CNIH3: variants seen among roughly 807,000 people sequenced by gnomAD.
CNIH3 encodes the protein cornichon family AMPA receptor auxiliary protein 3.
CNIH3 carries 14 observed loss-of-function variants against 24.1 expected under a neutral mutation model. The ratio of observed to expected loss-of-function variants is 0.58; its 90% CI spans 0.38 to 0.91. The LOEUF is 0.91. Ranked by LOEUF, CNIH3 falls within the 40% of genes least tolerant of loss-of-function variation. The pLI, the probability that CNIH3 is intolerant of heterozygous loss-of-function variation, is 0.00. For synonymous variants in CNIH3, 68 were observed against 73.8 expected (o/e 0.92, Z 0.40); for missense variants, 178 against 196.8 (o/e 0.90, Z 0.57).
intron 4 of CNIH3, among the ~76,000 whole-genome samples, chr1:224,734,159 C>T (rs1384817418): frequency 6.6e-6 from 1 of 152,200 alleles, no homozygotes; most frequent in Non-Finnish European, 1.5e-5. Context: ...TCAGGATTTT[C>T]AATAAGGGTC....
intron 1 of CNIH3, among the ~76,000 whole-genome samples, chr1:224,497,405 G>C (rs902396640): frequency 2.6e-5 from 4 of 152,302 alleles, no homozygotes; most frequent in African/African-American, 7.2e-5. Context: ...TATGTTATGT[G>C]AATGATATGT....
At chr1:224,593,486 G>A (rs1335237202), downstream of CNIH3, among the ~76,000 whole-genome samples, 1 of 152,172 alleles carries the variant, frequency 6.6e-6, no homozygotes, top group Non-Finnish European at 1.5e-5. Context: ...TTGAAAGTGG[G>A]AAGCTCAAAG....
intron 3 of CNIH3, among the ~76,000 whole-genome samples, chr1:224,547,275 G>A (rs546148390): frequency 9.9e-5 from 15 of 151,790 alleles, no homozygotes; most frequent in African/African-American, 2.4e-4. Context: ...CATAATATCC[G>A]AAAGGAGATA....
At chr1:224,720,344 C>T (rs1041087180) in intron 3 of CNIH3, among the ~76,000 whole-genome samples, 1 of 151,034 alleles carries the variant, frequency 6.6e-6, no homozygotes, top group African/African-American at 2.4e-5. Context: ...TGTTAAGGAG[C>T]ATAGCGGTGC....
upstream of CNIH3, among the ~76,000 whole-genome samples, chr1:224,511,400 T>A (rs1057378393): frequency 2.6e-5 from 4 of 152,258 alleles, no homozygotes; most frequent in Non-Finnish European, 5.9e-5. Context: ...AGCCACTATG[T>A]AAATAGCTGA....
At chr1:224,660,734 T>C (rs1685312133) in intron 1 of CNIH3, among the ~76,000 whole-genome samples, 1 of 152,222 alleles carries the variant, frequency 6.6e-6, no homozygotes, top group Non-Finnish European at 1.5e-5. Flanking sequence ...CGCATTAATA[T>C]CTTTCACTAC....
At chr1:224,555,259 A>G (rs1217600856) in intron 3 of CNIH3, among the ~76,000 whole-genome samples, 1 of 152,218 alleles carries the variant, frequency 6.6e-6, no homozygotes, top group Non-Finnish European at 1.5e-5. Flanking sequence ...CAGACTTCAG[A>G]TCCTGTGCTG....
intron 1 of CNIH3, among the ~76,000 whole-genome samples, chr1:224,649,169 G>A (rs527369536): frequency 2.0e-5 from 3 of 152,322 alleles, no homozygotes; most frequent in Admixed American, 1.3e-4. Context: ...CAAGGGTCTC[G>A]AGATGGGGAG....
intron 3 of CNIH3, among the ~76,000 whole-genome samples, chr1:224,709,473 A>G (rs544211689): frequency 6.6e-6 from 1 of 152,204 alleles, no homozygotes. Flanking sequence ...AGCCAGCTGC[A>G]TGGAAGGGCA....
At chr1:224,586,086 T>G (rs1461107692) in intron 5 of CNIH3, among the ~76,000 whole-genome samples, 2 of 152,296 alleles carry the variant, frequency 1.3e-5, no homozygotes, top group East Asian at 1.9e-4. Context: ...TGAATGGGAC[T>G]GAGAGGGAAG....
At chr1:224,575,239 C>T (rs578173619) in intron 4 of CNIH3, 3 of 1,339,812 alleles carry the variant, frequency 2.2e-6, no homozygotes, top group Non-Finnish European at 3.2e-6. Flanking sequence ...TCTGTGACAC[C>T]AGAATGCATT....
chr1:224,472,710 C>T (rs1205879745), intron 1 of CNIH3, among the ~76,000 whole-genome samples: 1 of 152,100 alleles, frequency 6.6e-6, no homozygotes, highest in Admixed American at 6.6e-5. Flanking sequence ...GATGAGTGCA[C>T]CACAATCTCA....
intron 1 of CNIH3, among the ~76,000 whole-genome samples, chr1:224,488,792 A>G (rs1359164918): frequency 1.5e-4 from 7 of 45,728 alleles, no homozygotes. Context: ...TTTAAATTTT[A>G]GATGTGTTTT....
chr1:224,527,060 C>T (rs181823025), intron 2 of CNIH3, among the ~76,000 whole-genome samples: 32 of 152,216 alleles, frequency 2.1e-4, no homozygotes, highest in African/African-American at 7.0e-4. Flanking sequence ...TGAGATTTGG[C>T]GGGTACAAAT....
At chr1:224,621,098 A>G (rs1683256881) in intron 1 of CNIH3, among the ~76,000 whole-genome samples, 2 of 152,222 alleles carry the variant, frequency 1.3e-5, no homozygotes, top group Non-Finnish European at 2.9e-5. Flanking sequence ...TGGAGTCACT[A>G]TGAGTTTTGA....
intron 2 of CNIH3, among the ~76,000 whole-genome samples, chr1:224,545,263 G>C (rs907099769): frequency 6.6e-6 from 1 of 152,206 alleles, no homozygotes. Flanking sequence ...AATGTGTGTT[G>C]AACCAATGAA....
chr1:224,648,789 C>T (rs1292412633), intron 1 of CNIH3, among the ~76,000 whole-genome samples: 2 of 152,146 alleles, frequency 1.3e-5, no homozygotes, highest in Non-Finnish European at 2.9e-5. Flanking sequence ...AAGATCTAGT[C>T]TGCAGTCAGA....
At chr1:224,662,714 A>G (rs936690447) in intron 1 of CNIH3, among the ~76,000 whole-genome samples, 2 of 152,220 alleles carry the variant, frequency 1.3e-5, no homozygotes, top group Non-Finnish European at 2.9e-5. Context: ...ATTTGGTACC[A>G]TGTAAAGACA....
intron 3 of CNIH3, among the ~76,000 whole-genome samples, chr1:224,697,097 C>T (rs565040354): frequency 4.8e-4 from 73 of 152,284 alleles, no homozygotes; most frequent in African/African-American, 1.7e-3. Context: ...AATGCGTGAG[C>T]AGGAATTCCC....
Sources: allele counts gnomAD v4.1 joint callset (sites outside exome capture counted in the v4.1 genomes callset), GRCh38; gene constraint gnomAD v4.1.1; transcripts MANE v1.5; gene names NCBI Gene and HGNC (gene_info 2026-07-23, HGNC 2026-07-21).